CRYBA4: variants seen among roughly 807,000 people sequenced by gnomAD.
CRYBA4 encodes beta-crystallin A4.
In CRYBA4, 30 loss-of-function variants were observed where a neutral mutation model predicts 31.7. The ratio of observed to expected loss-of-function variants is 0.95; its 90% confidence interval spans 0.71 to 1.28. CRYBA4 has a LOEUF of 1.28. CRYBA4 is among the 50% of genes most tolerant of loss of function. CRYBA4 has a pLI of 0.00. For synonymous variants in CRYBA4, 102 were observed against 102.3 expected (o/e 1.00, Z 0.02); for missense variants, 225 against 260.7 (o/e 0.86, Z 0.94).
the CRYBA4 span, chr22:26,599,405 G>T: frequency 1.4e-6 from 2 of 1,450,682 alleles, no homozygotes; most frequent in South Asian, 2.6e-5. Flanking sequence ...TTTGGCTTTA[G>T]GGAATTTTAT....
the CRYBA4 span, among the ~76,000 whole-genome samples, chr22:26,611,769 C>T: frequency 3.9e-3 from 589 of 152,240 alleles, 7 homozygotes; most frequent in African/African-American, 0.012. Context: ...CCACCGCGCC[C>T]GGCCGGGCTA....
At chr22:26,627,282 A>C (rs1037905448) in intron 4 of CRYBA4, among the ~76,000 whole-genome samples, 3 of 149,882 alleles carry the variant, frequency 2.0e-5, no homozygotes, top group Non-Finnish European at 3.0e-5. Flanking sequence ...TTGAGATGAT[A>C]TCTCTACACC....
At chr22:26,610,368 C>T in the CRYBA4 span, among the ~76,000 whole-genome samples, 3 of 152,158 alleles carry the variant, frequency 2.0e-5, no homozygotes, top group Non-Finnish European at 4.4e-5. Context: ...GCCCTGCCAG[C>T]GCCCACACAG....
chr22:26,625,104 G>A (rs567815551), intron 3 of CRYBA4, among the ~76,000 whole-genome samples: 9 of 152,294 alleles, frequency 5.9e-5, no homozygotes, highest in Middle Eastern at 3.4e-3. Flanking sequence ...GGACACGGAC[G>A]GAGGAGCAAG....
chr22:26,599,738 TGCCAGACCAGC>T, the CRYBA4 span: 1 of 1,294,012 alleles, frequency 7.7e-7, no homozygotes, highest in Non-Finnish European at 1.1e-6. Flanking sequence ...CCCAGACCCC[TGCCAGACCAGC>T]CTGTCCTTCA....
chr22:26,613,451 G>A, the CRYBA4 span, among the ~76,000 whole-genome samples: 3 of 152,224 alleles, frequency 2.0e-5, no homozygotes, highest in African/African-American at 4.8e-5. Flanking sequence ...GCAGAAGAAC[G>A]TGGATTGTGA....
At chr22:26,601,844 G>A in the CRYBA4 span, 14 of 1,611,316 alleles carry the variant, frequency 8.7e-6, no homozygotes, top group Non-Finnish European at 1.2e-5. Context: ...TGTGCTTGAA[G>A]CAGGGGACGC....
At chr22:26,616,458 C>T in the CRYBA4 span, 28 of 712,810 alleles carry the variant, frequency 3.9e-5, no homozygotes, top group Admixed American at 8.9e-5. Flanking sequence ...CCTTCTGAAA[C>T]GGTTAAGCCT....
At chr22:26,627,447 CTTCT>C (rs1252567208) in intron 4 of CRYBA4, among the ~76,000 whole-genome samples, 3 of 86,010 alleles carry the variant, frequency 3.5e-5, no homozygotes, top group East Asian at 4.6e-4. Context: ...TCTTTCTTTC[CTTCT>C]TTCTTTTTCT....
At chr22:26,595,842 A>G in the CRYBA4 span, among the ~76,000 whole-genome samples, 1 of 151,540 alleles carries the variant, frequency 6.6e-6, no homozygotes, top group South Asian at 2.1e-4. Context: ...GCACATTCAT[A>G]GCTTACTGCT....
chr22:26,622,012 T>A (rs1225644280), intron 1 of CRYBA4, 26 bp downstream of exon 1: 5 of 984,698 alleles, frequency 5.1e-6, no homozygotes, highest in Non-Finnish European at 6.0e-6. Context: ...GGAGGAGGGG[T>A]GGGATCAGAG....
chr22:26,626,817 A>G (rs1324648037), intron 4 of CRYBA4, among the ~76,000 whole-genome samples: 2 of 152,184 alleles, frequency 1.3e-5, no homozygotes, highest in African/African-American at 2.4e-5. Context: ...TACACATCCA[A>G]ATCAACATCT....
At chr22:26,591,596 C>T in the CRYBA4 span, among the ~76,000 whole-genome samples, 1 of 151,772 alleles carries the variant, frequency 6.6e-6, no homozygotes, top group African/African-American at 2.4e-5. Flanking sequence ...CAAAAATTAG[C>T]TGGGCATGGT....
the CRYBA4 span, among the ~76,000 whole-genome samples, chr22:26,605,063 T>G: frequency 6.6e-6 from 1 of 152,200 alleles, no homozygotes; most frequent in South Asian, 2.1e-4. Context: ...TTGCACACAC[T>G]GTTCCCTGGA....
At chr22:26,603,749 C>T in the CRYBA4 span, among the ~76,000 whole-genome samples, 1 of 106,638 alleles carries the variant, frequency 9.4e-6, no homozygotes, top group Non-Finnish European at 1.9e-5. Flanking sequence ...ACTAAAAATA[C>T]AAAATAATAA....
At chr22:26,605,750 TA>T in the CRYBA4 span, among the ~76,000 whole-genome samples, 34,011 of 146,526 alleles carry the variant, frequency 0.23, 4,259 homozygotes, top group Non-Finnish European at 0.29. Context: ...TGGTCAGGTT[TA>T]TTTTTTTTTT....
At chr22:26,603,595 C>T in the CRYBA4 span, among the ~76,000 whole-genome samples, 2 of 151,496 alleles carry the variant, frequency 1.3e-5, no homozygotes, top group African/African-American at 2.4e-5. Context: ...ACTCAACTCA[C>T]GGTTCAGTCC....
the CRYBA4 span, among the ~76,000 whole-genome samples, chr22:26,591,313 A>C: frequency 6.6e-6 from 1 of 152,188 alleles, no homozygotes; most frequent in South Asian, 2.1e-4. Context: ...TCTACTAAAA[A>C]TACAAAAATT....
At chr22:26,608,672 T>C in the CRYBA4 span, among the ~76,000 whole-genome samples, 1 of 152,202 alleles carries the variant, frequency 6.6e-6, no homozygotes, top group Non-Finnish European at 1.5e-5. Flanking sequence ...GTTAGCAGGA[T>C]CATTTTAAAT....
Sources: gnomAD v4.1 joint callset for allele counts (sites outside exome capture counted in the v4.1 genomes callset) on GRCh38, gnomAD v4.1.1 for gene constraint, MANE v1.5 for transcripts, NCBI Gene and HGNC (gene_info 2026-07-23, HGNC 2026-07-21) for gene names.